Variants in SNTB2 observed in about 807,000 individuals in gnomAD.
SNTB2 encodes syntrophin beta 2.
Under a neutral mutation model 46.2 loss-of-function variants are expected in SNTB2, and 34 were observed. The observed-to-expected ratio is 0.74, with a 90% CI of 0.56 to 0.98. The LOEUF is 0.98. SNTB2 is among the 50% of genes least tolerant of loss of function. SNTB2 has a pLI of 0.00. For synonymous variants in SNTB2, 290 were observed against 312.6 expected (o/e 0.93, Z 0.76); for missense variants, 603 against 731.4 (o/e 0.82, Z 2.02).
At chr16:69,250,562 A>G (rs1964716111) in intron 2 of SNTB2, among the ~76,000 whole-genome samples, 1 of 152,182 alleles carries the variant, frequency 6.6e-6, no homozygotes, top group African/African-American at 2.4e-5. Context: ...AATGGACATA[A>G]TATCTGCTCA....
At chr16:69,277,904 A>G (rs1964997587) in intron 4 of SNTB2, among the ~76,000 whole-genome samples, 1 of 152,214 alleles carries the variant, frequency 6.6e-6, no homozygotes, top group African/African-American at 2.4e-5. Context: ...AAGTGAGGCC[A>G]GGAGTGGTGG....
chr16:69,279,161 A>G (rs1007674726), intron 4 of SNTB2, among the ~76,000 whole-genome samples: 24 of 152,258 alleles, frequency 1.6e-4, no homozygotes, highest in African/African-American at 5.3e-4. Context: ...ATTGAACAAC[A>G]ATTCTCCATT....
rs1965321833 is a variant in SNTB2 at position 69,306,999 on chromosome 16, T to C, written c.*6075T>C. Reference sequence around the variant, plus strand: ...GAGTCCCCTAAGTCCCTTTCTCAGTTTGCAATAATCTTACGTCCATGCTAT... The same window carrying C: ...GAGTCCCCTAAGTCCCTTTCTCAGTCTGCAATAATCTTACGTCCATGCTAT... On this transcript the variant is annotated 3_prime_UTR_variant, in exon 7 of 7. Coordinates refer to ENST00000336278, the MANE Select transcript of SNTB2 (RefSeq NM_006750.4). 6.6e-6 allele frequency: 1 copy of C among 152,218 alleles called. No homozygotes were observed. The highest frequency in any genetic ancestry group is 2.4e-5 in the African/African-American group (1 of 41,464). The allele number at this position is 152,218 out of a possible 1,614,324, so 9.4% of individuals were successfully genotyped here. A position where few individuals can be genotyped will look rare whatever the true frequency, so the allele number is the denominator to read the frequency against.
At position 69,307,864 on chromosome 16, in the gene SNTB2, G is replaced by A. The variant is rs1333695044; in HGVS notation, c.*6940G>A. ...AATTTCACTTATTCCAGGACACGCT[G>A]GCATTTGGACTCAATGAAAAGGGCA... On this transcript the variant is annotated 3_prime_UTR_variant, in exon 7 of 7. Coordinates refer to ENST00000336278, the MANE Select transcript of SNTB2 (RefSeq NM_006750.4). The A allele has an allele frequency of 1.3e-5, 2 of 151,998 alleles. No homozygotes were observed. The highest frequency in any genetic ancestry group is 2.9e-5 in the Non-Finnish European group (2 of 68,014). 9.4% of individuals were successfully genotyped at this position (151,998 alleles called of 1,614,324 possible).
At chr16:69,206,807 CCA>C (rs765963706) in intron 1 of SNTB2, among the ~76,000 whole-genome samples, 27 of 151,426 alleles carry the variant, frequency 1.8e-4, no homozygotes, top group Non-Finnish European at 3.2e-4. Flanking sequence ...CTCTTGTTGC[CCA>C]GGCTGGAGTG....
At position 69,308,669 on chromosome 16, in the gene SNTB2, G is replaced by T. The variant is rs1037438777; in HGVS notation, c.*7745G>T. 1.3e-5 allele frequency: 2 copies of T among 152,172 alleles called. No individual in the cohort carries two copies. The highest frequency in any genetic ancestry group is 2.9e-5 in the Non-Finnish European group (2 of 68,028). The allele number at this position is 152,172 out of a possible 1,614,324, so 9.4% of individuals were successfully genotyped here. On this transcript the variant is annotated 3_prime_UTR_variant, in exon 7 of 7. Transcript: ENST00000336278. Reference sequence around the variant, plus strand: ...TTTTCCACACTGCTTTCATTTTTAAGTATAAAGACTTAGAAAACTAGAATA... The same window carrying T: ...TTTTCCACACTGCTTTCATTTTTAATTATAAAGACTTAGAAAACTAGAATA...
At position 69,281,494 on chromosome 16, in the gene SNTB2, T is replaced by TG. The variant is rs200064731; in HGVS notation, c.1149-2554_1149-2553insG. On this transcript the variant is annotated intron_variant, in intron 4 of 6. Coordinates refer to ENST00000336278, the MANE Select transcript of SNTB2 (RefSeq NM_006750.4). ...AAGTATGTAAGGTCTGGTTTTTTTT[T>TG]TTTTGTTTTTTTTTTTTTACATATG... 6.2e-3 allele frequency among the ~76,000 whole-genome samples: 927 copies of TG among 150,384 alleles called. 7 individuals carry two copies. The highest frequency in any genetic ancestry group is 0.021 in the African/African-American group (848 of 41,362).
intron 1 of SNTB2, among the ~76,000 whole-genome samples, chr16:69,245,255 G>A (rs959086072): frequency 5.3e-5 from 8 of 152,142 alleles, no homozygotes; most frequent in African/African-American, 1.9e-4. Flanking sequence ...CTGGAGTGCA[G>A]TGGCACAATC....
chr16:69,282,617 A>C (rs1229017721), intron 4 of SNTB2, among the ~76,000 whole-genome samples: 2 of 144,238 alleles, frequency 1.4e-5, no homozygotes, highest in Non-Finnish European at 3.1e-5. Context: ...TCAGTTTATC[A>C]GTATCTACAA....
intron 1 of SNTB2, among the ~76,000 whole-genome samples, chr16:69,237,657 C>T (rs1426997427): frequency 1.4e-5 from 2 of 138,026 alleles, no homozygotes; most frequent in Non-Finnish European, 3.0e-5. Flanking sequence ...GGCTGGAGTG[C>T]AATGGTGCGA....
chr16:69,188,605 T>C (rs1161397387), intron 1 of SNTB2, among the ~76,000 whole-genome samples: 1 of 152,212 alleles, frequency 6.6e-6, no homozygotes, highest in African/African-American at 2.4e-5. Flanking sequence ...TCATGCATGT[T>C]GGAGGTGATA....
Position 69,245,760 on chromosome 16 carries a change from C to G in SNTB2, c.739C>G (p.Pro247Ala). 6.2e-7 allele frequency: 1 copy of G among 1,614,018 alleles called. No homozygotes were observed. Among genetic ancestry groups the G allele is most frequent in the Non-Finnish European group, 8.5e-7 (1 of 1,180,012 alleles). ...CAGCACCAAGGACAGGAAGATCATC[C>G]CTCTCAAAATGTGCTTTGCTGCTAG... Reference protein sequence around the residue: ...QNSTKDRKIIPLKMCFAARNL... With the variant: ...QNSTKDRKIIALKMCFAARNL... Residue 247 changes from proline (P) to alanine (A), a missense_variant, in exon 2 of 7, where the codon CCT becomes GCT. This residue lies in a region of SNTB2 where 537 missense variants were observed against 692.4 expected (regional missense o/e 0.78). Coordinates refer to ENST00000336278, the MANE Select transcript of SNTB2 (RefSeq NM_006750.4).
Position 69,260,143 on chromosome 16 carries a change from C to T in SNTB2, c.888C>T (p.His296=), listed in dbSNP as rs773667581. ...CACACTCCTGGTTCGTAGCTATCCA[C>T]ACCAACATAATGGCTCTCCTCCCAC... is the stretch of plus-strand genomic sequence containing the variant. The part of the protein sequence containing the change: ...ATAHSWFVAI[H]TNIMALLPQV... The change falls in exon 3 of 7, where the codon CAC becomes CAT. Residue 296 remains histidine, a synonymous_variant. Transcript: ENST00000336278. 1 of 1,614,058 alleles carries T rather than the reference C, an allele frequency of 6.2e-7. No individual in the cohort carries two copies. The highest frequency in any genetic ancestry group is 8.5e-7 in the Non-Finnish European group (1 of 1,180,010).
At chr16:69,272,317 T>TTG (rs1964944737) in intron 4 of SNTB2, among the ~76,000 whole-genome samples, 1 of 151,812 alleles carries the variant, frequency 6.6e-6, no homozygotes, top group Non-Finnish European at 1.5e-5. Context: ...GAGGCAGGCC[T>TTG]ATCATCTGAG....
At chr16:69,202,973 G>C (rs1329127849) in intron 1 of SNTB2, among the ~76,000 whole-genome samples, 1 of 152,012 alleles carries the variant, frequency 6.6e-6, no homozygotes, top group African/African-American at 2.4e-5. Flanking sequence ...TCCTACCTTA[G>C]CCTCCCAAAG....
chr16:69,290,446 C>T (rs113312232), intron 5 of SNTB2, among the ~76,000 whole-genome samples: 7,592 of 151,922 alleles, frequency 0.05, 264 homozygotes, highest in Non-Finnish European at 0.071. Flanking sequence ...GTAGGAATTA[C>T]GTTAATAAAA....
Position 69,187,766 on chromosome 16 carries a change from A to AGGGGGGGCGGGGCGGGGGGGGG in SNTB2, c.580+23_580+24insGGGGCGGGGCGGGGGGGGGGGG. ...TGGAGGGTGAGCGGGGCCGGGCGGG[A>AGGGGGGGCGGGGCGGGGGGGGG]GGGTGGGCAGGCCGCGGCGGCCTGG... On this transcript the variant is annotated intron_variant, in intron 1 of 6. Transcript: ENST00000336278. 8.5e-6 allele frequency: 1 copy of AGGGGGGGCGGGGCGGGGGGGGG among 118,092 alleles called. No homozygotes were observed. The highest frequency in any genetic ancestry group is 1.4e-5 in the Non-Finnish European group (1 of 71,530). 7.3% of individuals were successfully genotyped at this position (118,092 alleles called of 1,614,324 possible).
Position 69,292,323 on chromosome 16 carries a change from T to G in SNTB2, c.1346-7267T>G, listed in dbSNP as rs1281337133. Among the ~76,000 whole-genome samples, 3 of 136,932 alleles carry G rather than the reference T, an allele frequency of 2.2e-5. No individual in the cohort carries two copies. The East Asian group carries it at 6.2e-4, about 28-fold the overall frequency. 89.8% of individuals were successfully genotyped at this position (136,932 alleles called of 152,430 possible). Reference sequence around the variant, plus strand: ...TACACAAAGTGGATAAATACAACACTGGTTGTATTTACCATTGTTCACCTT... The same window carrying G: ...TACACAAAGTGGATAAATACAACACGGGTTGTATTTACCATTGTTCACCTT... On this transcript the variant is annotated intron_variant, in intron 5 of 6. Transcript: ENST00000336278.
intron 1 of SNTB2, among the ~76,000 whole-genome samples, chr16:69,245,367 G>T (rs1964660365): frequency 1.3e-5 from 2 of 151,940 alleles, no homozygotes; most frequent in South Asian, 4.1e-4. Flanking sequence ...CTAATTTTTT[G>T]TATTTTTGGT....
Sources: allele counts gnomAD v4.1 joint callset (sites outside exome capture counted in the v4.1 genomes callset), GRCh38; gene constraint gnomAD v4.1.1; regional missense constraint gnomAD v4.1.1; transcripts MANE v1.5; gene names NCBI Gene and HGNC (gene_info 2026-07-23, HGNC 2026-07-21).